NFIB: variants seen among roughly 807,000 people sequenced by gnomAD.
NFIB encodes the protein nuclear factor 1 B-type.
In NFIB, 11 loss-of-function variants were observed where a neutral mutation model predicts 61.5. The observed-to-expected ratio is 0.18, with a 90% CI of 0.11 to 0.30. The LOEUF (loss-of-function observed/expected upper bound fraction) is 0.30. Ranked by LOEUF, NFIB falls within the 10% of genes least tolerant of loss-of-function variation. The probability of loss-of-function intolerance (pLI) is 1.00; values close to 1 mark genes in which losing one functional copy is unlikely to be tolerated. For synonymous variants in NFIB, 260 were observed against 216.5 expected (o/e 1.20, Z -1.76); for missense variants, 471 against 608.9 (o/e 0.77, Z 2.38).
the NFIB span, among the ~76,000 whole-genome samples, chr9:14,443,218 G>A: frequency 6.6e-6 from 1 of 151,980 alleles, no homozygotes; most frequent in East Asian, 1.9e-4. Context: ...TGTGTCATCT[G>A]AATGATCATC....
At chr9:14,436,937 T>G in the NFIB span, among the ~76,000 whole-genome samples, 1 of 148,482 alleles carries the variant, frequency 6.7e-6, no homozygotes, top group Non-Finnish European at 1.5e-5. Flanking sequence ...GAAGGAAATT[T>G]CCTTAAAAGT....
At chr9:14,368,094 A>T (rs2061322246) in intron 1 of NFIB, among the ~76,000 whole-genome samples, 1 of 152,004 alleles carries the variant, frequency 6.6e-6, no homozygotes, top group South Asian at 2.1e-4. Context: ...ATGTATACCT[A>T]TGTACAAAAC....
intron 1 of NFIB, among the ~76,000 whole-genome samples, chr9:14,342,659 C>T (rs1251805966): frequency 6.6e-6 from 1 of 152,178 alleles, no homozygotes; most frequent in Non-Finnish European, 1.5e-5. Flanking sequence ...GCGGGCTACA[C>T]ATAGTCACCT....
chr9:14,222,587 G>A (rs1399415909), intron 2 of NFIB, among the ~76,000 whole-genome samples: 2 of 152,026 alleles, frequency 1.3e-5, no homozygotes, highest in South Asian at 2.1e-4. Flanking sequence ...AGGCTCAGTT[G>A]AGCCTAGGAG....
chr9:14,489,299 A>G, the NFIB span, among the ~76,000 whole-genome samples: 1 of 152,230 alleles, frequency 6.6e-6, no homozygotes, highest in Non-Finnish European at 1.5e-5. Flanking sequence ...CAAACATAAT[A>G]CTGGACAGAA....
chr9:14,140,562 T>C (rs1332145489), intron 6 of NFIB, among the ~76,000 whole-genome samples: 5 of 152,202 alleles, frequency 3.3e-5, no homozygotes, highest in African/African-American at 9.6e-5. Flanking sequence ...AAATTTTTGT[T>C]ACAAAAAAAC....
chr9:14,455,225 G>C, the NFIB span, among the ~76,000 whole-genome samples: 5 of 152,206 alleles, frequency 3.3e-5, no homozygotes, highest in African/African-American at 1.2e-4. Context: ...AAAAATCTGA[G>C]TGTGTATCAT....
chr9:14,266,426 T>G (rs1054711998), intron 2 of NFIB, among the ~76,000 whole-genome samples: 1 of 151,520 alleles, frequency 6.6e-6, no homozygotes, highest in African/African-American at 2.4e-5. Context: ...CCCCCATTTC[T>G]AGAAAAAAAA....
chr9:14,492,688 C>T, the NFIB span, among the ~76,000 whole-genome samples: 1 of 152,108 alleles, frequency 6.6e-6, no homozygotes, highest in African/African-American at 2.4e-5. Flanking sequence ...GGATCCACCC[C>T]CATGATACAA....
the NFIB span, among the ~76,000 whole-genome samples, chr9:14,430,235 T>A: frequency 7.2e-5 from 11 of 152,136 alleles, no homozygotes; most frequent in Non-Finnish European, 1.0e-4. Flanking sequence ...TGGGTAAAAT[T>A]TTTTTTGCTT....
exon 1 of NFIB, chr9:14,398,788 A>T: frequency 1.8e-6 from 1 of 564,554 alleles, no homozygotes. Context: ...TGACTGATGG[A>T]TCTTTATGGA....
upstream of NFIB, among the ~76,000 whole-genome samples, chr9:14,315,599 G>C (rs2060508505): frequency 6.9e-6 from 1 of 145,212 alleles, no homozygotes; most frequent in African/African-American, 2.5e-5. Context: ...TGCGGGCCCT[G>C]AGCCGCTCGG....
At chr9:14,366,745 A>G (rs2061304666) in intron 1 of NFIB, among the ~76,000 whole-genome samples, 1 of 152,042 alleles carries the variant, frequency 6.6e-6, no homozygotes, top group African/African-American at 2.4e-5. Flanking sequence ...CGGCCTCCCA[A>G]AGTGTTGGGA....
upstream of NFIB, among the ~76,000 whole-genome samples, chr9:14,400,970 T>C (rs2061737370): frequency 6.6e-6 from 1 of 152,240 alleles, no homozygotes; most frequent in Admixed American, 6.5e-5. Context: ...CCTCAGTTTT[T>C]CACCCTCTTT....
intron 2 of NFIB, among the ~76,000 whole-genome samples, chr9:14,220,230 T>C (rs545494679): frequency 7.2e-5 from 11 of 152,222 alleles, no homozygotes; most frequent in Non-Finnish European, 1.0e-4. Context: ...TCATTAGTTA[T>C]TATTGATAAC....
chr9:14,085,159 G>C lies in NFIB; in HGVS notation c.*3150C>G, dbSNP rs2032654876. The C allele has an allele frequency of 4.4e-6, 1 of 229,160 alleles. No individual in the cohort carries two copies. Among genetic ancestry groups the C allele is most frequent in the Non-Finnish European group, 8.6e-6 (1 of 115,610 alleles). 14.2% of individuals were successfully genotyped at this position (229,160 alleles called of 1,614,324 possible). A position where few individuals can be genotyped will look rare whatever the true frequency, so the allele number is the denominator to read the frequency against. On this transcript the variant is annotated 3_prime_UTR_variant, in exon 11 of 11. Coordinates refer to ENST00000380953, the MANE Select transcript of NFIB (RefSeq NM_001190737.2). ...GATCCCGCTGTGCTGTTCAGCATTT[G>C]GGCTATCAAACTGAATGGGCTAATC...
chr9:14,456,499 C>G, the NFIB span, among the ~76,000 whole-genome samples: 1 of 151,960 alleles, frequency 6.6e-6, no homozygotes, highest in Non-Finnish European at 1.5e-5. Flanking sequence ...GCACAAAAAG[C>G]CAATAATGCA....
At chr9:14,273,091 T>C (rs1227563446) in intron 2 of NFIB, among the ~76,000 whole-genome samples, 2 of 152,086 alleles carry the variant, frequency 1.3e-5, no homozygotes, top group African/African-American at 2.4e-5. Flanking sequence ...AGAAAGAAGA[T>C]CACTCATTAA....
At chr9:14,506,312 C>T in the NFIB span, among the ~76,000 whole-genome samples, 1 of 152,076 alleles carries the variant, frequency 6.6e-6, no homozygotes, top group Non-Finnish European at 1.5e-5. Context: ...GGACCTGCCA[C>T]CCATGAGAGC....
Sources: gnomAD v4.1 joint callset for allele counts (sites outside exome capture counted in the v4.1 genomes callset) on GRCh38, gnomAD v4.1.1 for gene constraint, MANE v1.5 for transcripts, NCBI Gene and HGNC (gene_info 2026-07-23, HGNC 2026-07-21) for gene names.